Variants in TRIQK observed in about 807,000 individuals in gnomAD.
The protein encoded by TRIQK is triple QxxK/R motif containing, also known as triple QxxK/R motif-containing protein.
A neutral mutation model predicts 10.8 loss-of-function variants in TRIQK; 10 were observed. The observed-to-expected ratio is 0.92, with a 90% confidence interval of 0.57 to 1.57. The LOEUF (loss-of-function observed/expected upper bound fraction) is 1.57. TRIQK is among the 40% of genes most tolerant of loss of function. The pLI, the probability that TRIQK is intolerant of heterozygous loss-of-function variation, is 0.00. For missense variants in TRIQK, 107 were observed against 97.7 expected (o/e 1.09, Z -0.40); for synonymous variants, 33 against 33.7 (o/e 0.98, Z 0.07).
At position 92,883,957 on chromosome 8, in the gene TRIQK, A is replaced by G. The variant is rs1391928535; in HGVS notation, c.*2665T>C. ...TACCCTGTCTAAACTTGCATGCAAA[A>G]TAAGAACCAGCAAGCCTTCAAACTT... On this transcript the variant is annotated 3_prime_UTR_variant, in exon 5 of 5. Coordinates refer to ENST00000521988, the MANE Select transcript of TRIQK (RefSeq NM_001171797.2). 1 of 151,822 alleles carries G rather than the reference A, an allele frequency of 6.6e-6. No homozygotes were observed. The highest frequency in any genetic ancestry group is 1.5e-5 in the Non-Finnish European group (1 of 67,854). The allele number at this position is 151,822 out of a possible 1,614,324, so 9.4% of individuals were successfully genotyped here.
Position 92,989,419 on chromosome 8 carries a change from C to A in TRIQK, c.-181+28190G>T, listed in dbSNP as rs137943259. On this transcript the variant is annotated intron_variant, in intron 1 of 4. Transcript: ENST00000520686. ...CTTCATCTCTATTTACAGCTGTTCCCTATCATTTGCATTACTGCCTGAGCT... is the reference window on the plus strand; with the variant it reads ...CTTCATCTCTATTTACAGCTGTTCCATATCATTTGCATTACTGCCTGAGCT... Among the ~76,000 whole-genome samples the A allele has an allele frequency of 5.9e-5, 9 of 152,296 alleles. No homozygotes were observed. The East Asian group carries it at 9.7e-4, about 16-fold the overall frequency.
intron 1 of TRIQK, among the ~76,000 whole-genome samples, chr8:93,011,694 T>C (rs1813338255): frequency 1.3e-5 from 2 of 152,146 alleles, no homozygotes; most frequent in African/African-American, 4.8e-5. Context: ...TCAAATAGCA[T>C]TCACTATGTG....
chr8:92,960,388 T>C (rs1156786042), intron 1 of TRIQK: 1 of 152,214 alleles, frequency 6.6e-6, no homozygotes, highest in Admixed American at 6.5e-5. Context: ...ACATCAATTC[T>C]ATTTGTTACT....
intron 4 of TRIQK, among the ~76,000 whole-genome samples, 154 bp downstream of exon 4, chr8:92,891,835 A>C (rs1170974127): frequency 2.6e-5 from 4 of 151,948 alleles, no homozygotes; most frequent in African/African-American, 9.7e-5. Context: ...GTTTTCCATT[A>C]AGTAAATTCT....
intron 1 of TRIQK, among the ~76,000 whole-genome samples, chr8:92,990,123 G>C (rs1813082142): frequency 6.6e-6 from 1 of 152,150 alleles, no homozygotes; most frequent in African/African-American, 2.4e-5. Context: ...AGGTAAGATG[G>C]AACTATAAAG....
chr8:92,885,387 T>C lies in TRIQK; in HGVS notation c.*1235A>G, dbSNP rs902350648. 5.6e-6 allele frequency: 1 copy of C among 180,140 alleles called. No individual in the cohort carries two copies. Among genetic ancestry groups the C allele is most frequent in the African/African-American group, 2.4e-5 (1 of 42,040 alleles). 11.2% of individuals were successfully genotyped at this position (180,140 alleles called of 1,614,324 possible). ...TTATTCTTCATAAATACAATGTATA[T>C]AATATAAAACACTTTGTGCACATGT... On this transcript the variant is annotated 3_prime_UTR_variant, in exon 5 of 5. Coordinates refer to ENST00000521988, the MANE Select transcript of TRIQK (RefSeq NM_001171797.2).
At chr8:92,955,415 G>A (rs1459066721) in intron 1 of TRIQK, among the ~76,000 whole-genome samples, 2 of 151,650 alleles carry the variant, frequency 1.3e-5, no homozygotes, top group South Asian at 2.1e-4. Flanking sequence ...CACCAAACAC[G>A]AAATTTAATT....
At chr8:92,997,176 G>T (rs1454244030) in intron 1 of TRIQK, among the ~76,000 whole-genome samples, 2 of 152,036 alleles carry the variant, frequency 1.3e-5, no homozygotes, top group African/African-American at 2.4e-5. Context: ...TGGGTAGAGA[G>T]GAACTGAGAG....
At chr8:92,993,239 C>T (rs947514351) in intron 1 of TRIQK, among the ~76,000 whole-genome samples, 32 of 152,126 alleles carry the variant, frequency 2.1e-4, no homozygotes, top group African/African-American at 7.7e-4. Flanking sequence ...TTTTCTTTCC[C>T]TTGTGCTTGT....
At chr8:92,983,363 G>GTAAATT (rs1813004165) in intron 1 of TRIQK, among the ~76,000 whole-genome samples, 1 of 152,056 alleles carries the variant, frequency 6.6e-6, no homozygotes, top group Non-Finnish European at 1.5e-5. Flanking sequence ...TCAAATTTCA[G>GTAAATT]TGGCTTAACA....
intron 1 of TRIQK, among the ~76,000 whole-genome samples, chr8:93,017,272 T>C (rs2130766893): frequency 6.6e-6 from 1 of 152,164 alleles, no homozygotes; most frequent in East Asian, 1.9e-4. Context: ...AATGACGCTC[T>C]CGTTCAGTCA....
chr8:92,931,235 C>T (rs1239360020), intron 2 of TRIQK, among the ~76,000 whole-genome samples: 1 of 152,102 alleles, frequency 6.6e-6, no homozygotes, highest in Admixed American at 6.6e-5. Context: ...CTACTAATAA[C>T]CAAGTTTGTT....
chr8:92,916,209 G>A (rs1469561276), intron 3 of TRIQK, among the ~76,000 whole-genome samples: 4 of 152,104 alleles, frequency 2.6e-5, no homozygotes, highest in Non-Finnish European at 2.9e-5. Context: ...CTTTCTTTGT[G>A]ACTTAGTATG....
chr8:93,002,393 CAAAT>C (rs1169767987), intron 1 of TRIQK, among the ~76,000 whole-genome samples: 4 of 151,942 alleles, frequency 2.6e-5, no homozygotes, highest in African/African-American at 9.7e-5. Context: ...AAAGAAGACT[CAAAT>C]AAAATCAGAG....
At chr8:92,983,879 A>G (rs1163379085) in intron 1 of TRIQK, among the ~76,000 whole-genome samples, 1 of 152,054 alleles carries the variant, frequency 6.6e-6, no homozygotes, top group African/African-American at 2.4e-5. Flanking sequence ...CTTAAACTGA[A>G]AAATAAACAT....
At chr8:93,000,182 AACT>A (rs1813194251) in intron 1 of TRIQK, among the ~76,000 whole-genome samples, 2 of 152,224 alleles carry the variant, frequency 1.3e-5, no homozygotes, top group African/African-American at 4.8e-5. Flanking sequence ...TTCAAAGGAT[AACT>A]TTCAACTTTC....
intron 3 of TRIQK, among the ~76,000 whole-genome samples, chr8:92,899,251 C>A (rs931149936): frequency 6.6e-6 from 1 of 152,036 alleles, no homozygotes; most frequent in South Asian, 2.1e-4. Flanking sequence ...CAAATCACAC[C>A]TGGGATTACA....
chr8:92,913,905 TG>T (rs928376865), intron 3 of TRIQK, among the ~76,000 whole-genome samples: 1 of 151,710 alleles, frequency 6.6e-6, no homozygotes, highest in Non-Finnish European at 1.5e-5. Flanking sequence ...CATGCATAAG[TG>T]GGGGTTGAAC....
chr8:92,905,966 A>G (rs1809234015), intron 3 of TRIQK, among the ~76,000 whole-genome samples: 1 of 152,200 alleles, frequency 6.6e-6, no homozygotes. Context: ...GAGGTTATCT[A>G]GTTCAATAAA....
Sources: allele counts gnomAD v4.1 joint callset (sites outside exome capture counted in the v4.1 genomes callset), GRCh38; gene constraint gnomAD v4.1.1; transcripts MANE v1.5; gene names NCBI Gene and HGNC (gene_info 2026-07-23, HGNC 2026-07-21).